The following CADM1 variants were observed in gnomAD, a reference collection of about 807,000 sequenced individuals.
CADM1 encodes the protein cell adhesion molecule 1.
A neutral mutation model predicts 53.1 loss-of-function variants in CADM1; 15 were observed. The observed-to-expected ratio is 0.28, with a 90% CI of 0.19 to 0.44. The LOEUF (loss-of-function observed/expected upper bound fraction) is 0.44. Among genes scored for constraint, CADM1 ranks in the 20% least tolerant of loss-of-function variants. CADM1 has a pLI of 1.00. For synonymous variants in CADM1, 281 were observed against 243.0 expected (o/e 1.16, Z -1.45); for missense variants, 434 against 611.3 (o/e 0.71, Z 3.06).
At chr11:115,430,714 C>T (rs557109227) in intron 1 of CADM1, among the ~76,000 whole-genome samples, 1 of 152,262 alleles carries the variant, frequency 6.6e-6, no homozygotes, top group East Asian at 1.9e-4. Context: ...AAAATGAATG[C>T]CGCAGGACCA....
intron 3 of CADM1, among the ~76,000 whole-genome samples, chr11:115,236,369 C>T (rs1942011848): frequency 6.6e-6 from 1 of 152,080 alleles, no homozygotes; most frequent in Non-Finnish European, 1.5e-5. Flanking sequence ...TTTACTCTGT[C>T]AAGGAATCCT....
At chr11:115,302,873 G>A (rs1944267737) in intron 1 of CADM1, among the ~76,000 whole-genome samples, 1 of 152,074 alleles carries the variant, frequency 6.6e-6, no homozygotes, top group Non-Finnish European at 1.5e-5. Flanking sequence ...GTGTATGAGT[G>A]GAGCAATGTT....
chr11:115,427,416 T>C (rs955414014), intron 1 of CADM1, among the ~76,000 whole-genome samples: 4 of 152,198 alleles, frequency 2.6e-5, no homozygotes, highest in African/African-American at 9.6e-5. Flanking sequence ...ACAGCAGGTG[T>C]AGAATGATGA....
At chr11:115,420,016 A>T (rs549056230) in intron 1 of CADM1, among the ~76,000 whole-genome samples, 9 of 152,292 alleles carry the variant, frequency 5.9e-5, no homozygotes, top group Admixed American at 1.3e-4. Flanking sequence ...CACATGTGAG[A>T]TTATTTCTCA....
In CADM1 at chr11:115,413,644, C is replaced by CTTTTTTTTTTTTTTTTTTT. The variant is rs71066424; in HGVS notation, c.124+90626_124+90627insAAAAAAAAAAAAAAAAAAA. On this transcript the variant is annotated intron_variant, in intron 1 of 11. Transcript: ENST00000331581. Reference sequence around the variant, plus strand: ...CAGGGAGTGTGGCTCCAGCTCAGTTCTTTTTTTTTTTTTTCTCTGAGACAG... The same window carrying CTTTTTTTTTTTTTTTTTTT: ...CAGGGAGTGTGGCTCCAGCTCAGTTCTTTTTTTTTTTTTTTTTTTTTTTTTTTTTTTTTCTCTGAGACAG... Among the ~76,000 whole-genome samples the CTTTTTTTTTTTTTTTTTTT allele has an allele frequency of 4.9e-4, 59 of 120,894 alleles. 6 individuals are homozygous for CTTTTTTTTTTTTTTTTTTT. The highest frequency in any genetic ancestry group is 4.4e-3 in the Middle Eastern group (1 of 226). The allele number at this position is 120,894 out of a possible 152,430, so 79.3% of individuals were successfully genotyped here. A position where few individuals can be genotyped will look rare whatever the true frequency, so the allele number is the denominator to read the frequency against.
intron 7 of CADM1, among the ~76,000 whole-genome samples, chr11:115,213,154 C>G (rs776336277): frequency 1.3e-5 from 2 of 152,126 alleles, no homozygotes; most frequent in Non-Finnish European, 1.5e-5. Flanking sequence ...ACAGCAATGT[C>G]GGGGACTCCC....
At chr11:115,379,650 C>T (rs1051540930) in intron 1 of CADM1, among the ~76,000 whole-genome samples, 1 of 152,072 alleles carries the variant, frequency 6.6e-6, no homozygotes, top group Non-Finnish European at 1.5e-5. Context: ...ATAAGCAAAA[C>T]CCTGTGTTAT....
intron 1 of CADM1, among the ~76,000 whole-genome samples, chr11:115,359,076 T>C (rs1199919830): frequency 6.6e-6 from 1 of 152,202 alleles, no homozygotes; most frequent in African/African-American, 2.4e-5. Context: ...ATTACCATCT[T>C]GTTAATATAC....
At chr11:115,395,297 T>C (rs751070200) in intron 1 of CADM1, among the ~76,000 whole-genome samples, 4 of 152,148 alleles carry the variant, frequency 2.6e-5, no homozygotes, top group Non-Finnish European at 4.4e-5. Context: ...AGATTTCTCA[T>C]TGGGATTATC....
intron 1 of CADM1, among the ~76,000 whole-genome samples, chr11:115,346,241 G>A (rs1298957839): frequency 1.3e-5 from 2 of 152,166 alleles, no homozygotes; most frequent in African/African-American, 2.4e-5. Context: ...TGCATGGCTT[G>A]GCTTGTATTC....
chr11:115,420,291 G>A (rs1362630818), intron 1 of CADM1, among the ~76,000 whole-genome samples: 5 of 152,192 alleles, frequency 3.3e-5, no homozygotes, highest in Admixed American at 3.3e-4. Flanking sequence ...CAGAAAACTT[G>A]GAATTGACTT....
intron 1 of CADM1, among the ~76,000 whole-genome samples, chr11:115,263,000 G>A (rs1332748539): frequency 6.6e-6 from 1 of 152,218 alleles, no homozygotes; most frequent in Non-Finnish European, 1.5e-5. Context: ...AAGAGTACCG[G>A]TCAGCTATTT....
chr11:115,397,652 G>C (rs965858358), intron 1 of CADM1: 1 of 152,064 alleles, frequency 6.6e-6, no homozygotes, highest in South Asian at 2.1e-4. Context: ...AGTCAAACTT[G>C]AACCAACACA....
chr11:115,439,157 TA>T (rs1183226327), intron 1 of CADM1, among the ~76,000 whole-genome samples: 1 of 151,640 alleles, frequency 6.6e-6, no homozygotes, highest in Non-Finnish European at 1.5e-5. Flanking sequence ...GGGCTTTTAG[TA>T]AAATGATGTC....
intron 1 of CADM1, among the ~76,000 whole-genome samples, chr11:115,242,961 C>T (rs1230468326): frequency 1.3e-5 from 2 of 152,124 alleles, no homozygotes; most frequent in African/African-American, 4.8e-5. Flanking sequence ...TAGAATACTC[C>T]ACTCATATTA....
intron 1 of CADM1, chr11:115,256,793 A>G (rs1044483861): frequency 7.5e-5 from 34 of 456,036 alleles, no homozygotes; most frequent in African/African-American, 6.0e-4. Context: ...CTTCCTCTAA[A>G]AAGTTTGTTC....
chr11:115,289,375 A>AAAAT (rs1943816799), intron 1 of CADM1, among the ~76,000 whole-genome samples: 1 of 151,514 alleles, frequency 6.6e-6, no homozygotes, highest in Admixed American at 6.6e-5. Context: ...AAAAAATAAA[A>AAAAT]AAATAAATAA....
intron 1 of CADM1, among the ~76,000 whole-genome samples, chr11:115,368,046 T>G (rs1417694305): frequency 6.6e-6 from 1 of 151,738 alleles, no homozygotes; most frequent in Non-Finnish European, 1.5e-5. Context: ...CTCCTTGTTT[T>G]CTTTCCTCTC....
At chr11:115,478,404 T>G (rs994833992) in intron 1 of CADM1, among the ~76,000 whole-genome samples, 1 of 152,168 alleles carries the variant, frequency 6.6e-6, no homozygotes, top group Non-Finnish European at 1.5e-5. Context: ...CTTAAAAATC[T>G]GTATGATGTT....
Sources: gnomAD v4.1 joint callset for allele counts (sites outside exome capture counted in the v4.1 genomes callset) on GRCh38, gnomAD v4.1.1 for gene constraint, MANE v1.5 for transcripts, NCBI Gene and HGNC (gene_info 2026-07-23, HGNC 2026-07-21) for gene names.